Variants in MDGA2 observed in about 807,000 individuals in gnomAD.
MDGA2 encodes MAM domain containing glycosylphosphatidylinositol anchor 2.
In MDGA2, 40 loss-of-function variants were observed where a neutral mutation model predicts 117.8. The ratio of observed to expected loss-of-function variants is 0.34; its 90% confidence interval spans 0.26 to 0.44. MDGA2 has a LOEUF of 0.44. Ranked by LOEUF, MDGA2 falls within the 20% of genes least tolerant of loss-of-function variation. The probability of loss-of-function intolerance (pLI) is 1.00; values close to 1 mark genes in which losing one functional copy is unlikely to be tolerated. For synonymous variants in MDGA2, 452 were observed against 439.0 expected (o/e 1.03, Z -0.37); for missense variants, 1,123 against 1,250.6 (o/e 0.90, Z 1.54).
intron 9 of MDGA2, among the ~76,000 whole-genome samples, chr14:46,930,333 T>A (rs1398918246): frequency 6.6e-6 from 1 of 152,172 alleles, no homozygotes; most frequent in Non-Finnish European, 1.5e-5. Context: ...ATTTAAGATG[T>A]CATCAGCATA....
intron 1 of MDGA2, among the ~76,000 whole-genome samples, chr14:47,400,575 T>C (rs1892113495): frequency 6.6e-6 from 1 of 150,510 alleles, no homozygotes; most frequent in Non-Finnish European, 1.5e-5. Context: ...AAACCCTTAG[T>C]GGTAGGAGGC....
chr14:46,995,488 C>A (rs940436984), intron 8 of MDGA2, among the ~76,000 whole-genome samples: 1 of 152,070 alleles, frequency 6.6e-6, no homozygotes, highest in Non-Finnish European at 1.5e-5. Flanking sequence ...TAATGAATTA[C>A]AATTTCTAAA....
chr14:47,025,900 C>A (rs994618829), intron 8 of MDGA2, among the ~76,000 whole-genome samples: 6 of 152,028 alleles, frequency 3.9e-5, no homozygotes, highest in Admixed American at 2.0e-4. Flanking sequence ...AGTGGAAGGG[C>A]ATGTTGGCAA....
At chr14:47,066,157 T>C (rs1426425063) in intron 6 of MDGA2, among the ~76,000 whole-genome samples, 1 of 152,194 alleles carries the variant, frequency 6.6e-6, no homozygotes. Flanking sequence ...ACTAGGAACC[T>C]ATCTTTCTCC....
chr14:47,280,984 ATAAT>A (rs1888469207), intron 2 of MDGA2, among the ~76,000 whole-genome samples: 1 of 147,782 alleles, frequency 6.8e-6, no homozygotes, highest in Admixed American at 6.8e-5. Flanking sequence ...AATAAAATAT[ATAAT>A]TAATATATTA....
At chr14:47,603,898 C>A (rs1157672188) in intron 1 of MDGA2, among the ~76,000 whole-genome samples, 1 of 152,092 alleles carries the variant, frequency 6.6e-6, no homozygotes, top group Non-Finnish European at 1.5e-5. Flanking sequence ...GTGTGTGGTA[C>A]CTTCCCTGCT....
intron 8 of MDGA2, among the ~76,000 whole-genome samples, chr14:46,973,940 T>TACA (rs146542204): frequency 0.047 from 7,077 of 151,562 alleles, 587 homozygotes; most frequent in African/African-American, 0.16. Context: ...TATTCATGAT[T>TACA]ACAGCTCACT....
intron 1 of MDGA2, among the ~76,000 whole-genome samples, chr14:47,449,560 TGACA>T (rs1394734938): frequency 2.6e-5 from 4 of 152,132 alleles, no homozygotes; most frequent in Admixed American, 2.0e-4. Flanking sequence ...TACATAGATT[TGACA>T]GACAGTTAAA....
chr14:46,846,978 A>G (rs919416406), intron 15 of MDGA2, among the ~76,000 whole-genome samples: 1 of 152,114 alleles, frequency 6.6e-6, no homozygotes, highest in Non-Finnish European at 1.5e-5. Context: ...ATTTGAAAAC[A>G]TCTCCTCAAA....
chr14:47,120,782 T>C (rs1292944372), intron 5 of MDGA2, among the ~76,000 whole-genome samples: 1 of 152,210 alleles, frequency 6.6e-6, no homozygotes, highest in African/African-American at 2.4e-5. Context: ...TCTCTCCTGT[T>C]AGTCCTTATA....
At chr14:47,180,793 C>T (rs1051777940) in intron 3 of MDGA2, among the ~76,000 whole-genome samples, 6 of 152,000 alleles carry the variant, frequency 3.9e-5, no homozygotes, top group South Asian at 2.1e-4. Context: ...TGATGGCACG[C>T]GCCTGTAGTC....
chr14:47,442,230 G>A (rs1268808782), intron 1 of MDGA2, among the ~76,000 whole-genome samples: 1 of 152,118 alleles, frequency 6.6e-6, no homozygotes, highest in Non-Finnish European at 1.5e-5. Flanking sequence ...TTTCTTCACT[G>A]AACTTACATT....
intron 1 of MDGA2, among the ~76,000 whole-genome samples, chr14:47,556,240 A>C (rs1380304412): frequency 6.6e-6 from 1 of 152,140 alleles, no homozygotes; most frequent in Non-Finnish European, 1.5e-5. Context: ...TTAATCAAAC[A>C]CAAACTCCAG....
At chr14:47,184,457 G>C (rs1039003215) in intron 3 of MDGA2, among the ~76,000 whole-genome samples, 2 of 151,668 alleles carry the variant, frequency 1.3e-5, no homozygotes, top group Non-Finnish European at 3.0e-5. Context: ...GTATAACTTT[G>C]GGTTATATTA....
intron 2 of MDGA2, chr14:47,299,400 T>G (rs17739629): frequency 0.089 from 13,540 of 152,184 alleles, 734 homozygotes; most frequent in Non-Finnish European, 0.11. Context: ...AGTACACTCT[T>G]TGTGGGACTA....
At chr14:47,308,582 A>C (rs1239179332) in intron 1 of MDGA2, among the ~76,000 whole-genome samples, 3 of 146,266 alleles carry the variant, frequency 2.1e-5, no homozygotes, top group African/African-American at 7.6e-5. Flanking sequence ...AAGCTGTTTA[A>C]TATCTTCTGT....
chr14:47,624,434 G>A (rs539049016), intron 1 of MDGA2, among the ~76,000 whole-genome samples: 1 of 151,896 alleles, frequency 6.6e-6, no homozygotes, highest in Non-Finnish European at 1.5e-5. Flanking sequence ...CTCCAGCCTG[G>A]GCAAGAGAAC....
intron 3 of MDGA2, among the ~76,000 whole-genome samples, chr14:47,170,354 T>A (rs919856515): frequency 6.6e-6 from 1 of 152,158 alleles, no homozygotes; most frequent in Admixed American, 6.5e-5. Context: ...TAATAACAAA[T>A]AATGCTAAAT....
chr14:47,352,129 A>G (rs1168806087), intron 1 of MDGA2, among the ~76,000 whole-genome samples: 1 of 152,170 alleles, frequency 6.6e-6, no homozygotes, highest in Non-Finnish European at 1.5e-5. Flanking sequence ...TATTTCAAAA[A>G]TTAAATGCAA....
Sources: allele counts gnomAD v4.1 joint callset (sites outside exome capture counted in the v4.1 genomes callset), GRCh38; gene constraint gnomAD v4.1.1; transcripts MANE v1.5; gene names NCBI Gene and HGNC (gene_info 2026-07-23, HGNC 2026-07-21).